STK32B: variants seen among roughly 807,000 people sequenced by gnomAD.
STK32B encodes the protein serine/threonine-protein kinase 32B.
STK32B carries 43 observed loss-of-function variants against 52.6 expected under a neutral mutation model. The ratio of observed to expected loss-of-function variants is 0.82; its 90% CI spans 0.64 to 1.05. STK32B has a LOEUF of 1.05. STK32B is among the 50% of genes least tolerant of loss of function. The pLI, the probability that STK32B is intolerant of heterozygous loss-of-function variation, is 0.00. For synonymous variants in STK32B, 238 were observed against 204.3 expected, an observed-to-expected ratio of 1.17 and a Z score of -1.41; for missense variants, 621 against 534.6, an observed-to-expected ratio of 1.16 and a Z score of -1.59.
At chr4:5,187,323 A>G (rs963244410) in intron 3 of STK32B, among the ~76,000 whole-genome samples, 4 of 152,178 alleles carry the variant, frequency 2.6e-5, no homozygotes, top group Admixed American at 2.0e-4. Flanking sequence ...GGGAATTAGT[A>G]AATTTATCCC....
rs1286083892 is a variant in STK32B at position 5,312,375 on chromosome 4, G to T, written c.261-18845G>T. Reference sequence around the variant, plus strand: ...ATATGTATACATGTGCCACGCTGGTGTGCTGCACCCATTAACTCGTCATTT... The same window carrying T: ...ATATGTATACATGTGCCACGCTGGTTTGCTGCACCCATTAACTCGTCATTT... On this transcript the variant is annotated intron_variant, in intron 3 of 11. Coordinates refer to ENST00000282908, the MANE Select transcript of STK32B (RefSeq NM_018401.3). Among the ~76,000 whole-genome samples the T allele has an allele frequency of 2.0e-5, 3 of 151,704 alleles. No individual in the cohort carries two copies. In the South Asian group the frequency reaches 6.3e-4, roughly 32 times the overall value.
In STK32B at chr4:5,394,884, A is replaced by C. The variant is rs1736784624; in HGVS notation, c.435-3323A>C. On this transcript the variant is annotated intron_variant, in intron 4 of 11. Coordinates refer to ENST00000282908, the MANE Select transcript of STK32B (RefSeq NM_018401.3). The surrounding 1 kb of genome is among the most constrained non-coding windows in gnomAD (Gnocchi z 4.2). ...ACCACTAACTTAACAACTTAAAATA[A>C]CTCACATTTATTTTCCCTCCATTTC... Among the ~76,000 whole-genome samples, 1 of 152,116 alleles carries C rather than the reference A, an allele frequency of 6.6e-6. No homozygotes were observed. Among genetic ancestry groups the C allele is most frequent in the Non-Finnish European group, 1.5e-5 (1 of 68,030 alleles).
chr4:5,489,715 G>C (rs933614218), intron 11 of STK32B, among the ~76,000 whole-genome samples: 5 of 151,938 alleles, frequency 3.3e-5, no homozygotes, highest in Non-Finnish European at 7.4e-5. Context: ...CCGCCTCCCA[G>C]GTTCAAGCGA....
At chr4:5,233,059 A>C (rs1024365732) in intron 3 of STK32B, among the ~76,000 whole-genome samples, 5 of 152,152 alleles carry the variant, frequency 3.3e-5, no homozygotes, top group African/African-American at 1.2e-4. Flanking sequence ...CTTTCTAAAT[A>C]GTCCCTTTGC....
intron 3 of STK32B, among the ~76,000 whole-genome samples, chr4:5,248,984 G>T (rs978345382): frequency 2.0e-5 from 3 of 152,124 alleles, no homozygotes; most frequent in East Asian, 3.9e-4. Context: ...TGTAAAGGAC[G>T]AGTTAATGGG....
chr4:5,156,387 G>A (rs1455504482), intron 2 of STK32B, among the ~76,000 whole-genome samples: 2 of 152,102 alleles, frequency 1.3e-5, no homozygotes, highest in Admixed American at 6.5e-5. Flanking sequence ...GGGTTAGCAC[G>A]CAGAGGTGAG....
chr4:5,126,851 A>AT (rs1469181226), intron 1 of STK32B, among the ~76,000 whole-genome samples: 2 of 152,090 alleles, frequency 1.3e-5, no homozygotes, highest in Non-Finnish European at 2.9e-5. Flanking sequence ...CAATTTCCTG[A>AT]TTTTTTTAGG....
At chr4:5,182,952 A>G (rs894975510) in intron 3 of STK32B, among the ~76,000 whole-genome samples, 3 of 152,220 alleles carry the variant, frequency 2.0e-5, no homozygotes, top group African/African-American at 7.2e-5. Flanking sequence ...CTTTCTGAGC[A>G]GTAGTATTGT....
chr4:5,068,377 G>C (rs1401638959), intron 1 of STK32B, among the ~76,000 whole-genome samples: 1 of 152,044 alleles, frequency 6.6e-6, no homozygotes, highest in African/African-American at 2.4e-5. Context: ...TACAACATTT[G>C]GTTTTCCACT....
At chr4:5,235,421 A>G (rs1724554829) in intron 3 of STK32B, among the ~76,000 whole-genome samples, 1 of 152,192 alleles carries the variant, frequency 6.6e-6, no homozygotes. Flanking sequence ...GAGAATGACA[A>G]TGGCGTGCCA....
rs148336171 is a variant in STK32B, at chr4:5,156,453, A to G, written c.109-11846A>G. Among the ~76,000 whole-genome samples, 38 of 151,686 alleles carry G rather than the reference A, an allele frequency of 2.5e-4. 1 individual carries two copies. In the South Asian group the frequency reaches 4.4e-3, roughly 18 times the overall value. On this transcript the variant is annotated intron_variant, in intron 2 of 11. Transcript: ENST00000282908. ...TTCGCACAGACACTCCTCTATTTCC[A>G]CTCACCCTCGTCCAGCCCCTACTCT...
At chr4:5,444,279 T>C (rs555135607) in intron 6 of STK32B, among the ~76,000 whole-genome samples, 5 of 152,172 alleles carry the variant, frequency 3.3e-5, no homozygotes, top group African/African-American at 7.2e-5. Context: ...ACCCTCCAAG[T>C]CAGGTGCGGG....
At chr4:5,216,042 G>C (rs1273072770) in intron 3 of STK32B, among the ~76,000 whole-genome samples, 2 of 152,204 alleles carry the variant, frequency 1.3e-5, no homozygotes, top group South Asian at 2.1e-4. Context: ...TGGTTGCAGA[G>C]TGAAAGTCTT....
At chr4:5,341,764 C>T (rs1015530128) in intron 4 of STK32B, among the ~76,000 whole-genome samples, 1 of 152,270 alleles carries the variant, frequency 6.6e-6, no homozygotes, top group South Asian at 2.1e-4. Context: ...CTCAGGAAAC[C>T]TGCAGTCATG....
At chr4:5,097,673 A>AT (rs1713476513) in intron 1 of STK32B, among the ~76,000 whole-genome samples, 1 of 152,188 alleles carries the variant, frequency 6.6e-6, no homozygotes, top group Non-Finnish European at 1.5e-5. Flanking sequence ...CAGAAGGGCC[A>AT]TTTTTTATGG....
intron 1 of STK32B, among the ~76,000 whole-genome samples, chr4:5,066,608 T>C (rs1340297216): frequency 6.6e-6 from 1 of 152,204 alleles, no homozygotes; most frequent in African/African-American, 2.4e-5. Context: ...CTTCACTGAA[T>C]GAGTTCAATT....
intron 3 of STK32B, among the ~76,000 whole-genome samples, chr4:5,280,583 C>A (rs1728127717): frequency 1.3e-5 from 2 of 152,148 alleles, no homozygotes; most frequent in African/African-American, 4.8e-5. Context: ...CTGTATTAGT[C>A]TATTCTCGCA....
intron 2 of STK32B, among the ~76,000 whole-genome samples, chr4:5,166,314 T>C (rs1053671724): frequency 2.6e-5 from 4 of 151,728 alleles, no homozygotes; most frequent in Non-Finnish European, 4.4e-5. Flanking sequence ...CTAAAACCTT[T>C]CTAGGCCTCA....
chr4:5,440,045 C>A (rs1262368245), intron 6 of STK32B, among the ~76,000 whole-genome samples: 1 of 152,060 alleles, frequency 6.6e-6, no homozygotes, highest in Non-Finnish European at 1.5e-5. Context: ...TGTGATGCCT[C>A]CAGCTTTGTT....
Sources: allele counts gnomAD v4.1 joint callset (sites outside exome capture counted in the v4.1 genomes callset), GRCh38; gene constraint gnomAD v4.1.1; non-coding constraint Gnocchi (gnomAD v3.1); transcripts MANE v1.5; gene names NCBI Gene and HGNC (gene_info 2026-07-23, HGNC 2026-07-21).